The following ESRRB variants were observed in gnomAD, a reference collection of about 807,000 sequenced individuals.
ESRRB encodes the protein steroid hormone receptor ERR2.
A neutral mutation model predicts 46.0 loss-of-function variants in ESRRB; 16 were observed. The observed-to-expected ratio is 0.35, with a 90% CI of 0.24 to 0.53. ESRRB has a LOEUF of 0.53. Ranked by LOEUF, ESRRB falls within the 20% of genes least tolerant of loss-of-function variation. ESRRB has a pLI of 0.93. For missense variants in ESRRB, 488 were observed against 607.4 expected, an observed-to-expected ratio of 0.80 and a Z score of 2.07; for synonymous variants, 246 against 259.6, an observed-to-expected ratio of 0.95 and a Z score of 0.50.
rs185789245 is a variant in ESRRB at position 76,500,350 on chromosome 14, G to A, written c.*1892G>A. ...CACTTGATGAGTAGGCACTGGAGCC[G>A]TTACCCAGGATGCTGCGGCCCTAGC... On this transcript the variant is annotated 3_prime_UTR_variant, in exon 7 of 7. Transcript: ENST00000644823. 598 of 584,240 alleles carry A rather than the reference G, an allele frequency of 1.0e-3. 1 individual carries two copies. The highest frequency in any genetic ancestry group is 9.5e-3 in the African/African-American group (513 of 53,792). The allele number at this position is 584,240 out of a possible 1,614,324, so 36.2% of individuals were successfully genotyped here.
chr14:76,410,022 G>A (rs775491763), intron 1 of ESRRB, among the ~76,000 whole-genome samples: 2 of 152,086 alleles, frequency 1.3e-5, no homozygotes, highest in South Asian at 2.1e-4. Context: ...TCAGGAGTTT[G>A]AGACCACCCT....
At chr14:76,449,959 T>G (rs1321733798) in intron 2 of ESRRB, among the ~76,000 whole-genome samples, 1 of 152,138 alleles carries the variant, frequency 6.6e-6, no homozygotes, top group Admixed American at 6.6e-5. Context: ...GGAGTCTCTC[T>G]ATGTTGCCTA....
chr14:76,364,499 G>A (rs1464312338), intron 1 of ESRRB, among the ~76,000 whole-genome samples: 1 of 152,098 alleles, frequency 6.6e-6, no homozygotes, highest in Non-Finnish European at 1.5e-5. Flanking sequence ...GACCAGCTTG[G>A]CCAACATGGT....
At chr14:76,483,915 G>A (rs529420986) in intron 5 of ESRRB, among the ~76,000 whole-genome samples, 8 of 152,234 alleles carry the variant, frequency 5.3e-5, no homozygotes, top group Middle Eastern at 3.4e-3. Context: ...GTGTAATGGC[G>A]CGATCTCGGC....
chr14:76,471,910 G>A (rs1287962582), intron 3 of ESRRB, among the ~76,000 whole-genome samples: 1 of 152,210 alleles, frequency 6.6e-6, no homozygotes, highest in Admixed American at 6.5e-5. Flanking sequence ...GGATCAGCAG[G>A]TAAGAGTGCC....
chr14:76,323,144 A>G (rs562388867), intron 1 of ESRRB, among the ~76,000 whole-genome samples: 3 of 151,958 alleles, frequency 2.0e-5, no homozygotes, highest in African/African-American at 4.8e-5. Flanking sequence ...CCTTTTCTCT[A>G]TGCCACAGTG....
chr14:76,332,599 AT>A (rs59858502), intron 1 of ESRRB, among the ~76,000 whole-genome samples: 1 of 27,682 alleles, frequency 3.6e-5, no homozygotes, highest in Non-Finnish European at 6.1e-5. Context: ...TATATTATAT[AT>A]TATATATTTA....
At chr14:76,410,784 T>A (rs1010979754) in intron 1 of ESRRB, among the ~76,000 whole-genome samples, 13 of 152,036 alleles carry the variant, frequency 8.6e-5, no homozygotes, top group Non-Finnish European at 1.5e-4. Flanking sequence ...CTTATTTTTT[T>A]TTATTTTTTT....
intron 1 of ESRRB, among the ~76,000 whole-genome samples, chr14:76,409,666 C>T (rs1227213371): frequency 6.6e-6 from 1 of 151,982 alleles, no homozygotes. Context: ...ATCTAATTCC[C>T]TGCATCTAGC....
chr14:76,422,878 G>A (rs376485029), intron 1 of ESRRB, among the ~76,000 whole-genome samples: 272 of 152,268 alleles, frequency 1.8e-3, no homozygotes, highest in Non-Finnish European at 2.9e-3. Context: ...GCAGGGGGCC[G>A]TGAAACATTT....
intron 1 of ESRRB, among the ~76,000 whole-genome samples, chr14:76,427,423 G>A (rs1194111285): frequency 2.6e-5 from 4 of 152,124 alleles, no homozygotes; most frequent in Admixed American, 1.3e-4. Flanking sequence ...GGGGTCAGAC[G>A]TCCTTCACAG....
At chr14:76,467,880 T>C (rs1889185935) in intron 3 of ESRRB, among the ~76,000 whole-genome samples, 1 of 151,924 alleles carries the variant, frequency 6.6e-6, no homozygotes, top group Non-Finnish European at 1.5e-5. Context: ...TCACCTCACC[T>C]CCCTCACGCG....
intron 1 of ESRRB, among the ~76,000 whole-genome samples, chr14:76,361,398 T>C (rs113469054): frequency 4.9e-4 from 75 of 152,310 alleles, no homozygotes; most frequent in African/African-American, 1.7e-3. Flanking sequence ...TAAATAGCCA[T>C]TATCTCTCCA....
intron 1 of ESRRB, among the ~76,000 whole-genome samples, chr14:76,436,402 T>G (rs1222957335): frequency 1.3e-5 from 2 of 152,212 alleles, no homozygotes. Context: ...TTATGTCAAG[T>G]GTATCTCCTG....
chr14:76,390,932 A>G (rs1885442800), intron 1 of ESRRB, among the ~76,000 whole-genome samples: 1 of 152,210 alleles, frequency 6.6e-6, no homozygotes, highest in Non-Finnish European at 1.5e-5. Context: ...TGCCAAGAAC[A>G]GCCAAGCTGC....
chr14:76,432,443 C>T (rs1201331628), intron 1 of ESRRB, among the ~76,000 whole-genome samples: 1 of 152,204 alleles, frequency 6.6e-6, no homozygotes, highest in Non-Finnish European at 1.5e-5. Flanking sequence ...CCCACAGTTA[C>T]TATTGCAAAC....
chr14:76,361,703 A>G (rs1205071424), intron 1 of ESRRB, among the ~76,000 whole-genome samples: 2 of 152,174 alleles, frequency 1.3e-5, no homozygotes, highest in Non-Finnish European at 2.9e-5. Flanking sequence ...TGAAGACTCA[A>G]AACCAACCCA....
chr14:76,461,665 C>T (rs1369231799), intron 2 of ESRRB, among the ~76,000 whole-genome samples: 1 of 152,112 alleles, frequency 6.6e-6, no homozygotes, highest in Non-Finnish European at 1.5e-5. Flanking sequence ...CATGCCACCA[C>T]ACCTGGCTAA....
chr14:76,420,591 GTGTT>G (rs1005148410), intron 1 of ESRRB, among the ~76,000 whole-genome samples: 8 of 146,462 alleles, frequency 5.5e-5, no homozygotes, highest in South Asian at 2.2e-4. Flanking sequence ...GTGTGTGTGT[GTGTT>G]TGTGTATGAG....
Sources: gnomAD v4.1 joint callset for allele counts (sites outside exome capture counted in the v4.1 genomes callset) on GRCh38, gnomAD v4.1.1 for gene constraint, MANE v1.5 for transcripts, NCBI Gene and HGNC (gene_info 2026-07-23, HGNC 2026-07-21) for gene names.